The following FGGY variants were observed in gnomAD, a reference collection of about 807,000 sequenced individuals.
The protein encoded by FGGY is FGGY carbohydrate kinase domain-containing protein.
A neutral mutation model predicts 71.3 loss-of-function variants in FGGY; 72 were observed. The ratio of observed to expected loss-of-function variants is 1.01; its 90% CI spans 0.84 to 1.23. FGGY has a LOEUF of 1.23. Ranked by LOEUF, FGGY falls within the 50% of genes most tolerant of loss-of-function variation. The pLI is 0.00. For synonymous variants in FGGY, 251 were observed against 250.3 expected, an observed-to-expected ratio of 1.00 and a Z score of -0.02; for missense variants, 668 against 682.3, an observed-to-expected ratio of 0.98 and a Z score of 0.23.
chr1:59,730,765 G>A (rs1467225460), intron 14 of FGGY, among the ~76,000 whole-genome samples: 1 of 152,188 alleles, frequency 6.6e-6, no homozygotes, highest in Non-Finnish European at 1.5e-5. Flanking sequence ...GTAAAGCATT[G>A]CCAGAGAAGA....
chr1:59,338,744 C>T (rs1393082065), intron 2 of FGGY, among the ~76,000 whole-genome samples: 1 of 152,048 alleles, frequency 6.6e-6, no homozygotes, highest in Non-Finnish European at 1.5e-5. Flanking sequence ...ATAGTTTTTT[C>T]ACTTTTAAAA....
chr1:59,699,397 G>A, intron 14 of FGGY: 14 of 985,188 alleles, frequency 1.4e-5, no homozygotes, highest in Non-Finnish European at 1.6e-5. Flanking sequence ...TCTTTTTGAC[G>A]GTTCAGGCTT....
At chr1:59,716,014 C>A (rs922397771) in intron 14 of FGGY, among the ~76,000 whole-genome samples, 1 of 152,144 alleles carries the variant, frequency 6.6e-6, no homozygotes, top group Non-Finnish European at 1.5e-5. Context: ...ACTATCTGGC[C>A]CTTCATAGAA....
intron 4 of FGGY, among the ~76,000 whole-genome samples, chr1:59,377,572 G>A (rs147778299): frequency 5.5e-4 from 84 of 152,218 alleles, no homozygotes; most frequent in African/African-American, 1.9e-3. Flanking sequence ...TGGGAACTAC[G>A]ATTCAAGATG....
chr1:59,353,757 A>C (rs1002889844), intron 4 of FGGY, among the ~76,000 whole-genome samples: 10 of 152,192 alleles, frequency 6.6e-5, no homozygotes, highest in Non-Finnish European at 1.5e-4. Context: ...AAGTTAAATA[A>C]CTTACTCGTG....
At chr1:59,337,031 A>G (rs1255431183) in intron 2 of FGGY, among the ~76,000 whole-genome samples, 1 of 140,756 alleles carries the variant, frequency 7.1e-6, no homozygotes, top group Non-Finnish European at 1.5e-5. Flanking sequence ...ATATATATAT[A>G]TTTATATGTA....
chr1:59,615,889 T>C (rs558345217), intron 9 of FGGY, among the ~76,000 whole-genome samples: 2 of 152,052 alleles, frequency 1.3e-5, no homozygotes, highest in African/African-American at 4.8e-5. Context: ...AAAAGACACA[T>C]GAAAAAATGC....
intron 8 of FGGY, among the ~76,000 whole-genome samples, chr1:59,598,019 ACCT>A (rs1353669434): frequency 1.3e-5 from 2 of 152,038 alleles, no homozygotes; most frequent in African/African-American, 4.8e-5. Context: ...GGAGCACGCT[ACCT>A]CCTCGTTAGC....
intron 7 of FGGY, among the ~76,000 whole-genome samples, chr1:59,549,213 C>T (rs543471674): frequency 1.3e-5 from 2 of 152,192 alleles, no homozygotes; most frequent in Admixed American, 1.3e-4. Context: ...AGCCCTTCCT[C>T]TCCAGGAACT....
chr1:59,531,682 C>T (rs1218689866), intron 7 of FGGY, among the ~76,000 whole-genome samples: 1 of 152,182 alleles, frequency 6.6e-6, no homozygotes, highest in Non-Finnish European at 1.5e-5. Flanking sequence ...AGAAGCTAAA[C>T]ACCAGTTTGG....
intron 6 of FGGY, among the ~76,000 whole-genome samples, chr1:59,467,594 A>C (rs1173484431): frequency 6.6e-6 from 1 of 151,846 alleles, no homozygotes; most frequent in African/African-American, 2.4e-5. Flanking sequence ...TTGTTACTGT[A>C]ATTCCTTTTA....
At chr1:59,457,118 A>G (rs1051068868) in intron 6 of FGGY, 42 bp downstream of exon 6, 2 of 1,397,136 alleles carry the variant, frequency 1.4e-6, no homozygotes, top group Non-Finnish European at 2.0e-6. Context: ...TGTGCATTGG[A>G]GGATCTTGAT....
intron 14 of FGGY, among the ~76,000 whole-genome samples, chr1:59,754,342 G>A (rs1157678285): frequency 1.3e-5 from 2 of 152,214 alleles, no homozygotes; most frequent in South Asian, 2.1e-4. Flanking sequence ...CTCATAGATT[G>A]CTCACTACTC....
At position 59,694,593 on chromosome 1, in the gene FGGY, A is replaced by G. The variant is rs111823929; in HGVS notation, c.1512+20460A>G. On this transcript the variant is annotated intron_variant, in intron 14 of 15. Transcript: ENST00000303721. Reference sequence around the variant, plus strand: ...TTTTCTCAGAGACCAAGGTCTCCACAGGCCAGGATTTCTCAGAGTCTTCTT... The same window carrying G: ...TTTTCTCAGAGACCAAGGTCTCCACGGGCCAGGATTTCTCAGAGTCTTCTT... Among the ~76,000 whole-genome samples the G allele has an allele frequency of 1.0e-3, 156 of 152,278 alleles. 1 individual carries two copies. Among genetic ancestry groups the G allele is most frequent in the African/African-American group, 3.7e-3 (152 of 41,578 alleles).
At chr1:59,408,389 C>A (rs2063080413) in intron 5 of FGGY, among the ~76,000 whole-genome samples, 1 of 152,124 alleles carries the variant, frequency 6.6e-6, no homozygotes, top group South Asian at 2.1e-4. Flanking sequence ...TTAAATAAAA[C>A]TGAAATGTTG....
intron 5 of FGGY, among the ~76,000 whole-genome samples, chr1:59,456,512 G>A (rs1443598338): frequency 1.4e-5 from 2 of 147,810 alleles, no homozygotes; most frequent in Non-Finnish European, 3.0e-5. Context: ...GCAGTGGCAC[G>A]ATCTTGGCTC....
intron 6 of FGGY, among the ~76,000 whole-genome samples, chr1:59,505,686 G>A (rs903674820): frequency 2.0e-5 from 3 of 151,902 alleles, no homozygotes; most frequent in Non-Finnish European, 2.9e-5. Flanking sequence ...TCAACACCCC[G>A]CCCCCACTTA....
intron 8 of FGGY, among the ~76,000 whole-genome samples, chr1:59,582,798 C>T (rs1489185754): frequency 6.7e-6 from 1 of 150,226 alleles, no homozygotes; most frequent in Non-Finnish European, 1.5e-5. Flanking sequence ...TCACCACGGC[C>T]TCATAAAGCT....
At chr1:59,513,875 A>C (rs1216953292) in intron 7 of FGGY, among the ~76,000 whole-genome samples, 1 of 152,244 alleles carries the variant, frequency 6.6e-6, no homozygotes, top group Non-Finnish European at 1.5e-5. Context: ...ATGGATTTCC[A>C]GAGCAGGATC....
Sources: gnomAD v4.1 joint callset for allele counts (sites outside exome capture counted in the v4.1 genomes callset) on GRCh38, gnomAD v4.1.1 for gene constraint, MANE v1.5 for transcripts, NCBI Gene and HGNC (gene_info 2026-07-23, HGNC 2026-07-21) for gene names.